The following SNTG1 variants were observed in gnomAD, a reference collection of about 807,000 sequenced individuals.
SNTG1 encodes syntrophin gamma 1, also known as gamma-1-syntrophin.
A neutral mutation model predicts 74.7 loss-of-function variants in SNTG1; 39 were observed. The observed-to-expected ratio is 0.52, with a 90% CI of 0.40 to 0.68. SNTG1 has a LOEUF of 0.68. SNTG1 is among the 30% of genes least tolerant of loss of function. The probability of loss-of-function intolerance (pLI) is 0.00; values close to 1 mark genes in which losing one functional copy is unlikely to be tolerated. For missense variants in SNTG1, 685 were observed against 609.5 expected (o/e 1.12, Z -1.30); for synonymous variants, 254 against 217.1 (o/e 1.17, Z -1.49).
At chr8:50,312,260 T>C (rs2090141513) in intron 2 of SNTG1, among the ~76,000 whole-genome samples, 1 of 152,014 alleles carries the variant, frequency 6.6e-6, no homozygotes, top group South Asian at 2.1e-4. Flanking sequence ...TGCTTTTAGT[T>C]CCCCCCATCT....
chr8:50,448,522 A>G (rs1344633494), intron 5 of SNTG1, among the ~76,000 whole-genome samples: 3 of 152,208 alleles, frequency 2.0e-5, no homozygotes, highest in Admixed American at 6.5e-5. Flanking sequence ...TGTCTTTTCA[A>G]CTAGGCTGTG....
chr8:50,648,219 A>C (rs1399673173), intron 13 of SNTG1, among the ~76,000 whole-genome samples: 4 of 152,184 alleles, frequency 2.6e-5, no homozygotes, highest in African/African-American at 7.2e-5. Flanking sequence ...ACTCAGTTCA[A>C]AATCATAAAA....
intron 18 of SNTG1, among the ~76,000 whole-genome samples, chr8:50,752,362 T>G (rs1310007617): frequency 6.6e-6 from 1 of 152,038 alleles, no homozygotes; most frequent in Non-Finnish European, 1.5e-5. Context: ...ATGAACTGCA[T>G]TTTTGTCACA....
chr8:50,275,781 C>T (rs987780246), intron 2 of SNTG1, among the ~76,000 whole-genome samples: 26 of 152,162 alleles, frequency 1.7e-4, no homozygotes, highest in South Asian at 6.2e-4. Flanking sequence ...GACTACTGCT[C>T]TAAGTTGATC....
At chr8:50,029,839 A>G (rs1482923353) in intron 1 of SNTG1, among the ~76,000 whole-genome samples, 1 of 151,850 alleles carries the variant, frequency 6.6e-6, no homozygotes, top group African/African-American at 2.4e-5. Flanking sequence ...TGATATGCTG[A>G]TTTTTTTCTT....
In SNTG1 at chr8:50,667,845, C is replaced by A. The variant is rs528080767; in HGVS notation, c.1038+9182C>A. Among the ~76,000 whole-genome samples the A allele has an allele frequency of 3.7e-4, 56 of 151,982 alleles. 2 individuals carry two copies. The South Asian group carries it at 0.011, about 30-fold the overall frequency. ...ATATGGTTATTTTTTTACTGTAACA[C>A]TTTATAATTAAATTAGTATAAAAGT... On this transcript the variant is annotated intron_variant, in intron 15 of 18. Coordinates refer to ENST00000642720, the MANE Select transcript of SNTG1 (RefSeq NM_018967.5).
intron 1 of SNTG1, among the ~76,000 whole-genome samples, chr8:49,930,036 G>A (rs896764985): frequency 2.0e-5 from 3 of 151,714 alleles, no homozygotes; most frequent in Non-Finnish European, 2.9e-5. Flanking sequence ...AGCCTTATAG[G>A]CATTGAAGTA....
At chr8:50,341,015 T>C (rs750221246) in intron 2 of SNTG1, among the ~76,000 whole-genome samples, 3 of 151,954 alleles carry the variant, frequency 2.0e-5, no homozygotes, top group Non-Finnish European at 4.4e-5. Context: ...GTGAGATAGT[T>C]ACAAATGAAA....
intron 2 of SNTG1, among the ~76,000 whole-genome samples, chr8:50,287,935 A>G: frequency 6.6e-6 from 1 of 152,104 alleles, no homozygotes; most frequent in Non-Finnish European, 1.5e-5. Flanking sequence ...TGTGTTTTCC[A>G]GGCTCATTGC....
intron 2 of SNTG1, among the ~76,000 whole-genome samples, chr8:50,201,085 C>T (rs1240636259): frequency 6.6e-6 from 1 of 151,966 alleles, no homozygotes; most frequent in Non-Finnish European, 1.5e-5. Flanking sequence ...TGGAATACTT[C>T]ATGAAAAAAA....
chr8:50,372,680 C>T (rs1587363440), intron 2 of SNTG1, among the ~76,000 whole-genome samples: 3 of 152,094 alleles, frequency 2.0e-5, no homozygotes, highest in Admixed American at 2.0e-4. Context: ...ACAGCTCTGA[C>T]ATTATGTAAC....
intron 1 of SNTG1, among the ~76,000 whole-genome samples, chr8:49,966,383 T>C (rs1319097320): frequency 2.6e-5 from 4 of 152,074 alleles, no homozygotes; most frequent in Non-Finnish European, 5.9e-5. Context: ...TCCAGTCTTT[T>C]TTTAAATTAA....
intron 13 of SNTG1, among the ~76,000 whole-genome samples, chr8:50,630,411 G>A (rs2094988776): frequency 6.6e-6 from 1 of 152,092 alleles, no homozygotes; most frequent in African/African-American, 2.4e-5. Context: ...TAATGCCAAG[G>A]GTTTTGGGGT....
intron 17 of SNTG1, among the ~76,000 whole-genome samples, chr8:50,728,180 T>C (rs1350185594): frequency 1.3e-5 from 2 of 152,168 alleles, no homozygotes; most frequent in Non-Finnish European, 2.9e-5. Context: ...TCCAGGTCTA[T>C]TCCACCACAC....
intron 2 of SNTG1, among the ~76,000 whole-genome samples, chr8:50,349,980 G>A (rs577591364): frequency 1.0e-3 from 153 of 152,318 alleles, no homozygotes; most frequent in African/African-American, 3.6e-3. Flanking sequence ...GGAGTTCTGG[G>A]TGGGCGTGGG....
intron 2 of SNTG1, among the ~76,000 whole-genome samples, chr8:50,310,161 A>G (rs768169695): frequency 6.6e-6 from 1 of 152,116 alleles, no homozygotes; most frequent in Non-Finnish European, 1.5e-5. Context: ...GAGTTTACCT[A>G]CTCGAACCAT....
At chr8:50,740,042 C>G (rs2095539189) in intron 17 of SNTG1, among the ~76,000 whole-genome samples, 1 of 151,970 alleles carries the variant, frequency 6.6e-6, no homozygotes, top group Non-Finnish European at 1.5e-5. Flanking sequence ...TAGGCAATAC[C>G]ATTCTAGACA....
intron 1 of SNTG1, among the ~76,000 whole-genome samples, chr8:50,129,659 T>A (rs1443139578): frequency 6.6e-6 from 1 of 152,084 alleles, no homozygotes; most frequent in Non-Finnish European, 1.5e-5. Flanking sequence ...GAAACCATCC[T>A]CATATCACAC....
chr8:50,182,890 T>C (rs755090946), intron 2 of SNTG1, among the ~76,000 whole-genome samples: 4 of 152,148 alleles, frequency 2.6e-5, no homozygotes, highest in Non-Finnish European at 5.9e-5. Context: ...GAATTAATTG[T>C]CCATGAGGCA....
Sources: allele counts gnomAD v4.1 joint callset (sites outside exome capture counted in the v4.1 genomes callset), GRCh38; gene constraint gnomAD v4.1.1; transcripts MANE v1.5; gene names NCBI Gene and HGNC (gene_info 2026-07-23, HGNC 2026-07-21).